The following DENND4A variants were observed in gnomAD, a reference collection of about 807,000 sequenced individuals.
DENND4A encodes DENN domain containing 4A, also known as C-myc promoter-binding protein.
DENND4A carries 70 observed loss-of-function variants against 199.3 expected under a neutral mutation model. The ratio of observed to expected loss-of-function variants is 0.35; its 90% CI spans 0.29 to 0.43. The LOEUF (loss-of-function observed/expected upper bound fraction) is 0.43. Ranked by LOEUF, DENND4A falls within the 20% of genes least tolerant of loss-of-function variation. The pLI, the probability that DENND4A is intolerant of heterozygous loss-of-function variation, is 1.00. For synonymous variants in DENND4A, 686 were observed against 766.9 expected, an observed-to-expected ratio of 0.89 and a Z score of 1.74; for missense variants, 1,723 against 2,255.8, an observed-to-expected ratio of 0.76 and a Z score of 4.78.
chr15:65,783,172 ACT>A (rs1311261537), intron 1 of DENND4A, among the ~76,000 whole-genome samples: 1 of 152,186 alleles, frequency 6.6e-6, no homozygotes, highest in African/African-American at 2.4e-5. Flanking sequence ...GAAACTGGAA[ACT>A]CTAACAACAA....
At chr15:65,744,153 T>C (rs2076326642) in intron 4 of DENND4A, among the ~76,000 whole-genome samples, 2 of 152,016 alleles carry the variant, frequency 1.3e-5, no homozygotes, top group South Asian at 4.1e-4. Flanking sequence ...CTGGGTATAT[T>C]CTGAAAATAC....
chr15:65,681,187 G>A (rs2076561440), intron 23 of DENND4A: 1 of 152,128 alleles, frequency 6.6e-6, no homozygotes. Context: ...CTAATTCTAG[G>A]GGTTTTTGCT....
At chr15:65,734,761 T>A (rs2076064653) in intron 7 of DENND4A, among the ~76,000 whole-genome samples, 1 of 152,156 alleles carries the variant, frequency 6.6e-6, no homozygotes, top group Non-Finnish European at 1.5e-5. Context: ...CAAGATCCAT[T>A]CAGGGAAGAT....
intron 5 of DENND4A, among the ~76,000 whole-genome samples, chr15:65,741,500 C>T (rs1199018524): frequency 6.6e-6 from 1 of 151,666 alleles, no homozygotes; most frequent in Non-Finnish European, 1.5e-5. Flanking sequence ...TTATTTAAAC[C>T]CAAGGCTTAA....
At chr15:65,746,286 C>T (rs1202165091) in intron 4 of DENND4A, among the ~76,000 whole-genome samples, 4 of 149,952 alleles carry the variant, frequency 2.7e-5, no homozygotes, top group East Asian at 1.9e-4. Flanking sequence ...ACAGCAAAAA[C>T]GTACTTTCAA....
rs753870256 is a variant in DENND4A at position 65,706,190 on chromosome 15, A to G, written c.1988T>C (p.Ile663Thr). 13 of 1,597,686 alleles carry G rather than the reference A, an allele frequency of 8.1e-6. No individual in the cohort carries two copies. The highest frequency in any genetic ancestry group is 2.3e-5 in the South Asian group (2 of 88,270). The change falls in exon 15 of 33, where the codon ATA becomes ACA. Residue 663 changes from isoleucine to threonine, a missense_variant. By Grantham distance (89) the Ile-to-Thr change is moderately conservative. This residue lies in a region of DENND4A where 725 missense variants were observed against 952.9 expected (regional missense o/e 0.76). Coordinates refer to ENST00000443035, the MANE Select transcript of DENND4A (RefSeq NM_001320835.1). ...ACTTTTGAAAGATTCATCCAGTTCT[A>G]TAAGTCGTACTTCACCGCTCTTGTC... The part of the protein sequence containing the change: ...DMDKSGEVRL[I>T]ELDESFKSEH...
At chr15:65,772,403 A>T in intron 1 of DENND4A, among the ~76,000 whole-genome samples, 1 of 152,098 alleles carries the variant, frequency 6.6e-6, no homozygotes, top group Non-Finnish European at 1.5e-5. Flanking sequence ...ACCAATCATG[A>T]AAGCAGAAAA....
Position 65,741,735 on chromosome 15 carries a change from T to C in DENND4A, c.611A>G (p.Asn204Ser), listed in dbSNP as rs772558442. ...CTTACCAGCTTTGTAAGATACAGTG[T>C]TCGTCTTTGCCACCGATTTTTTATA... ...LCYKKSVAKT[N>S]TVSYKAGLIC... Residue 204 changes from asparagine (N) to serine (S), a missense_variant, in exon 5 of 33, where the codon AAC becomes AGC. Asn to Ser is a conservative substitution (Grantham distance 46, BLOSUM62 1). Coordinates refer to ENST00000443035, the MANE Select transcript of DENND4A (RefSeq NM_001320835.1). 6.2e-7 allele frequency: 1 copy of C among 1,613,016 alleles called. No individual in the cohort carries two copies. The highest frequency in any genetic ancestry group is 8.5e-7 in the Non-Finnish European group (1 of 1,179,452).
chr15:65,668,163 G>T (rs774756011), intron 27 of DENND4A, 40 bp from the exon 28 acceptor site: 3 of 1,357,652 alleles, frequency 2.2e-6, no homozygotes, highest in Non-Finnish European at 3.0e-6. Context: ...TCAGTGTCTA[G>T]ATTTACTTTA....
intron 12 of DENND4A, among the ~76,000 whole-genome samples, chr15:65,718,760 C>CTTT (rs1038227560): frequency 3.5e-4 from 24 of 67,754 alleles, no homozygotes; most frequent in African/African-American, 9.0e-4. Context: ...GTTTTTTTTC[C>CTTT]TTTTTTTTTT....
chr15:65,783,994 G>A (rs568233628), intron 1 of DENND4A, among the ~76,000 whole-genome samples: 23 of 152,196 alleles, frequency 1.5e-4, no homozygotes, highest in Admixed American at 7.9e-4. Context: ...GCAAACACTA[G>A]CTCAGCCTGG....
At chr15:65,684,372 C>G (rs984119450) in intron 23 of DENND4A, among the ~76,000 whole-genome samples, 1 of 152,218 alleles carries the variant, frequency 6.6e-6, no homozygotes, top group Non-Finnish European at 1.5e-5. Context: ...CACATCCCCT[C>G]CACTTGTCAT....
intron 14 of DENND4A, among the ~76,000 whole-genome samples, chr15:65,714,770 C>A (rs1228212195): frequency 6.6e-6 from 1 of 152,194 alleles, no homozygotes; most frequent in Non-Finnish European, 1.5e-5. Context: ...TGCCCCTGAA[C>A]ATGGATACCC....
At position 65,664,583 on chromosome 15, in the gene DENND4A, C is replaced by T. The variant is rs1482354775; in HGVS notation, c.5499G>A (p.Lys1833=). The T allele has an allele frequency of 6.2e-7, 1 of 1,612,752 alleles. No homozygotes were observed. Among genetic ancestry groups the T allele is most frequent in the East Asian group, 2.2e-5 (1 of 44,716 alleles). ...ACCTCTGTCTTTTAAAATGTGGACA[C>T]TTATTCAGTGTCTCTAAAATCTGAC... ...PMSQILETLN[K]CPHFKRQRSL... is the part of the protein sequence containing the mutation. The change falls in exon 31 of 33, where the codon AAG becomes AAA. Residue 1833 remains lysine (K), a synonymous_variant. Coordinates refer to ENST00000443035, the MANE Select transcript of DENND4A (RefSeq NM_001320835.1).
chr15:65,780,987 A>T (rs541058479), intron 1 of DENND4A, among the ~76,000 whole-genome samples: 8 of 152,282 alleles, frequency 5.3e-5, no homozygotes, highest in South Asian at 4.1e-4. Context: ...TTATTCTGGG[A>T]GGGACCCAAT....
intron 1 of DENND4A, among the ~76,000 whole-genome samples, chr15:65,774,510 A>G (rs1211229817): frequency 1.3e-5 from 2 of 151,914 alleles, no homozygotes; most frequent in African/African-American, 4.8e-5. Context: ...AAAATAAAAA[A>G]TAAAAAAGTT....
At chr15:65,791,298 C>A (rs577753018) in intron 1 of DENND4A, among the ~76,000 whole-genome samples, 34 of 152,312 alleles carry the variant, frequency 2.2e-4, no homozygotes, top group African/African-American at 7.2e-4. Flanking sequence ...CAACAATCTT[C>A]CAGCACATCT....
intron 5 of DENND4A, among the ~76,000 whole-genome samples, chr15:65,739,946 C>T (rs367699672): frequency 6.6e-6 from 1 of 151,304 alleles, no homozygotes; most frequent in Admixed American, 6.6e-5. Flanking sequence ...TTTGGGAGGC[C>T]GAGGCGGACA....
chr15:65,694,076 G>A (rs1450640679), intron 22 of DENND4A, among the ~76,000 whole-genome samples: 1 of 152,152 alleles, frequency 6.6e-6, no homozygotes, highest in African/African-American at 2.4e-5. Context: ...TAGGCTTAGA[G>A]AAACATCTCA....
Sources: gnomAD v4.1 joint callset for allele counts (sites outside exome capture counted in the v4.1 genomes callset) on GRCh38, gnomAD v4.1.1 for gene constraint, gnomAD v4.1.1 regional missense constraint, MANE v1.5 for transcripts, NCBI Gene and HGNC (gene_info 2026-07-23, HGNC 2026-07-21) for gene names.